The following LRRIQ1 variants were observed in gnomAD, a reference collection of about 807,000 sequenced individuals.
LRRIQ1 encodes the protein leucine rich repeats and IQ motif containing 1.
LRRIQ1 carries 210 observed loss-of-function variants against 211.9 expected under a neutral mutation model. The observed-to-expected ratio is 0.99, with a 90% CI of 0.89 to 1.11. The LOEUF (loss-of-function observed/expected upper bound fraction) is 1.11, where lower values mean the gene tolerates loss of function less well. Ranked by LOEUF, LRRIQ1 falls within the 50% of genes most tolerant of loss-of-function variation. The pLI is 0.00. For synonymous variants in LRRIQ1, 699 were observed against 650.1 expected, an observed-to-expected ratio of 1.08 and a Z score of -1.14; for missense variants, 2,136 against 1,939.5, an observed-to-expected ratio of 1.10 and a Z score of -1.90.
At chr12:85,062,597 A>G (rs919121704) in intron 8 of LRRIQ1, among the ~76,000 whole-genome samples, 1 of 148,660 alleles carries the variant, frequency 6.7e-6, no homozygotes, top group Non-Finnish European at 1.5e-5. Flanking sequence ...AATCTAATCC[A>G]CTGTTGATGA....
At chr12:85,118,499 G>GGT (rs543992831) in intron 15 of LRRIQ1, among the ~76,000 whole-genome samples, 114 of 127,862 alleles carry the variant, frequency 8.9e-4, no homozygotes, top group African/African-American at 3.0e-3. Context: ...GAAAAACTAT[G>GGT]TTTTTTTTTT....
intron 24 of LRRIQ1, among the ~76,000 whole-genome samples, chr12:85,207,828 T>TC (rs1222591456): frequency 1.3e-5 from 2 of 152,164 alleles, no homozygotes; most frequent in East Asian, 3.8e-4. Flanking sequence ...TTGGCAAAGA[T>TC]CAGTTGACTA....
At chr12:85,092,798 C>T (rs1565825330) in intron 11 of LRRIQ1, among the ~76,000 whole-genome samples, 1 of 152,138 alleles carries the variant, frequency 6.6e-6, no homozygotes, top group Non-Finnish European at 1.5e-5. Context: ...AACGTGCCTG[C>T]GCCGACGGCA....
chr12:85,086,992 G>C (rs1389152287), intron 11 of LRRIQ1, among the ~76,000 whole-genome samples: 1 of 151,284 alleles, frequency 6.6e-6, no homozygotes, highest in Non-Finnish European at 1.5e-5. Flanking sequence ...TGTGCACAAC[G>C]TGCAGGTTTG....
In LRRIQ1 at chr12:85,142,681, T is replaced by C. The variant is rs560256820; in HGVS notation, c.4329+4712T>C. On this transcript the variant is annotated intron_variant, in intron 19 of 26. Transcript: ENST00000393217. ...CATTATACTCTCTACTTCTGTGATA[T>C]TAAGTTTTTTGGATTCCCTGTCTGA... is the stretch of plus-strand genomic sequence containing the variant. Among the ~76,000 whole-genome samples, 5 of 151,522 alleles carry C rather than the reference T, an allele frequency of 3.3e-5. No individual in the cohort carries two copies. The East Asian group carries it at 7.8e-4, about 24-fold the overall frequency.
intron 24 of LRRIQ1, among the ~76,000 whole-genome samples, chr12:85,222,690 A>G (rs1894456436): frequency 6.6e-6 from 1 of 152,140 alleles, no homozygotes; most frequent in Non-Finnish European, 1.5e-5. Flanking sequence ...GAATGTAAAA[A>G]GTCAGTTTTA....
chr12:85,191,825 G>A (rs1398323502), intron 24 of LRRIQ1, among the ~76,000 whole-genome samples: 2 of 151,718 alleles, frequency 1.3e-5, no homozygotes, highest in Non-Finnish European at 2.9e-5. Context: ...TTAAGTGGGG[G>A]GTAGTACCAC....
At chr12:85,131,947 A>T (rs1265788589) in intron 18 of LRRIQ1, among the ~76,000 whole-genome samples, 1 of 152,142 alleles carries the variant, frequency 6.6e-6, no homozygotes, top group Non-Finnish European at 1.5e-5. Context: ...CATGACCATT[A>T]TTTCTGATAA....
At chr12:85,049,421 G>T (rs1880034738) in intron 6 of LRRIQ1, among the ~76,000 whole-genome samples, 4 of 152,046 alleles carry the variant, frequency 2.6e-5, no homozygotes, top group African/African-American at 9.7e-5. Context: ...ATCCCAGTAA[G>T]AAATGCTTCT....
At chr12:85,054,560 A>G (rs1054378894) in intron 7 of LRRIQ1, among the ~76,000 whole-genome samples, 1 of 152,064 alleles carries the variant, frequency 6.6e-6, no homozygotes, top group Non-Finnish European at 1.5e-5. Context: ...TACTAGTCAT[A>G]TGTTGGAGTT....
Position 85,261,495 on chromosome 12 carries a change from T to C in LRRIQ1, c.122-1420T>C, listed in dbSNP as rs1164641655. On this transcript the variant is annotated intron_variant, in intron 1 of 1. Transcript: ENST00000602731. Reference sequence around the variant, plus strand: ...GTTTGCTGACTCTTCTATTTGAATTTATATTTTTTAAATATTTAAAATTTT... The same window carrying C: ...GTTTGCTGACTCTTCTATTTGAATTCATATTTTTTAAATATTTAAAATTTT... Among the ~76,000 whole-genome samples the C allele has an allele frequency of 2.0e-5, 3 of 152,042 alleles. No individual in the cohort carries two copies. In the East Asian group the frequency reaches 5.8e-4, roughly 29 times the overall value.
intron 24 of LRRIQ1, among the ~76,000 whole-genome samples, chr12:85,161,589 T>A (rs1399158184): frequency 6.6e-6 from 1 of 152,152 alleles, no homozygotes; most frequent in East Asian, 1.9e-4. Context: ...GGCATCTTCA[T>A]AGCACGATTG....
chr12:85,255,710 G>A (rs1479046066), intron 1 of LRRIQ1, among the ~76,000 whole-genome samples: 1 of 151,554 alleles, frequency 6.6e-6, no homozygotes, highest in Admixed American at 6.6e-5. Flanking sequence ...TTAAATTATT[G>A]TTTAAACCAT....
chr12:85,250,604 G>A (rs765338153), intron 1 of LRRIQ1, among the ~76,000 whole-genome samples: 1 of 149,278 alleles, frequency 6.7e-6, no homozygotes, highest in Non-Finnish European at 1.5e-5. Flanking sequence ...GCTAGGTGTG[G>A]TTCTGTGCAC....
rs1880978926 is a variant in LRRIQ1, at chr12:85,055,914, A to G, written c.1121A>G (p.Glu374Gly). 1 of 1,603,388 alleles carries G rather than the reference A, an allele frequency of 6.2e-7. No individual in the cohort carries two copies. Among genetic ancestry groups the G allele is most frequent in the East Asian group, 2.2e-5 (1 of 44,674 alleles). Residue 374 changes from glutamate to glycine, a missense_variant, in exon 8 of 27, where the codon GAA becomes GGA. By Grantham distance (98) the Glu-to-Gly change is moderately conservative. Transcript: ENST00000393217. ...YEEKKNIVKQ[E>G]REQLISKEKI... is the part of the protein sequence containing the mutation. ...GAAAAAAAGAATATTGTGAAACAGG[A>G]AAGAGAGCAACTAATAAGCAAGGAA...
chr12:85,119,790 T>C (rs1167960145), intron 15 of LRRIQ1, among the ~76,000 whole-genome samples: 1 of 152,218 alleles, frequency 6.6e-6, no homozygotes, highest in African/African-American at 2.4e-5. Context: ...CATCTTCTTA[T>C]ATGCTGGCTT....
chr12:85,081,471 T>C (rs975105311), intron 11 of LRRIQ1, among the ~76,000 whole-genome samples: 5 of 151,882 alleles, frequency 3.3e-5, no homozygotes, highest in African/African-American at 1.2e-4. Context: ...CATTTCTTGT[T>C]TTATTCATGA....
Position 85,081,723 on chromosome 12 carries a change from CT to C in LRRIQ1, c.2887+8645del, listed in dbSNP as rs766961193. ...TTTATGCCCTTTATTTCTTCTTCTT[CT>C]TTTTTTTTTTTTTTTTTTTGAGACA... On this transcript the variant is annotated intron_variant, in intron 11 of 26. Coordinates refer to ENST00000393217, the MANE Select transcript of LRRIQ1 (RefSeq NM_001079910.2). Among the ~76,000 whole-genome samples the C allele has an allele frequency of 4.7e-3, 529 of 113,402 alleles. 3 individuals carry two copies. The highest frequency in any genetic ancestry group is 0.018 in the South Asian group (64 of 3,530). The allele number at this position is 113,402 out of a possible 152,430, so 74.4% of individuals were successfully genotyped here.
At chr12:85,112,673 T>C (rs1389524985) in intron 15 of LRRIQ1, among the ~76,000 whole-genome samples, 1 of 151,924 alleles carries the variant, frequency 6.6e-6, no homozygotes, top group Non-Finnish European at 1.5e-5. Context: ...GGTCACTGCC[T>C]CAAGGCATGG....
Sources: allele counts gnomAD v4.1 joint callset (sites outside exome capture counted in the v4.1 genomes callset), GRCh38; gene constraint gnomAD v4.1.1; transcripts MANE v1.5; gene names NCBI Gene and HGNC (gene_info 2026-07-23, HGNC 2026-07-21).